The following ZNF680 variants were observed in gnomAD, a reference collection of about 807,000 sequenced individuals.
ZNF680 encodes the protein zinc finger protein 680, also known as hypothetical protein FLJ90430.
A neutral mutation model predicts 12.1 loss-of-function variants in ZNF680; 6 were observed. The observed-to-expected ratio is 0.49, with a 90% CI of 0.27 to 0.98. ZNF680 has a LOEUF of 0.98. ZNF680 is among the 50% of genes least tolerant of loss of function. ZNF680 has a pLI of 0.12. For missense variants in ZNF680, 561 were observed against 616.3 expected, an observed-to-expected ratio of 0.91 and a Z score of 0.95; for synonymous variants, 170 against 199.3, an observed-to-expected ratio of 0.85 and a Z score of 1.24.
chr7:64,537,656 G>A (rs1008351565), intron 3 of ZNF680, among the ~76,000 whole-genome samples: 14 of 152,144 alleles, frequency 9.2e-5, no homozygotes, highest in African/African-American at 1.4e-4. Context: ...GGCCAGGTGC[G>A]CTGGCTCACG....
rs1791593653 is a variant in ZNF680, at chr7:64,522,379, A to G, written c.375T>C (p.Ser125=). The G allele has an allele frequency of 3.1e-6, 5 of 1,611,732 alleles. No homozygotes were observed. In the South Asian group the frequency reaches 5.5e-5, roughly 18 times the overall value. ...CGHENLQLRI[S]CKSVDESKVF... ...CCTTAGACTCATCCACACTTTTACAACTTATTCTTAATTGTAAATTCTCAT... is the reference window on the plus strand; with the variant it reads ...CCTTAGACTCATCCACACTTTTACAGCTTATTCTTAATTGTAAATTCTCAT... The change falls in exon 4 of 4, where the codon AGT becomes AGC. Residue 125 remains serine (S), a synonymous_variant. Transcript: ENST00000309683.
At chr7:64,535,481 C>A (rs527399166) in intron 3 of ZNF680, among the ~76,000 whole-genome samples, 1 of 151,600 alleles carries the variant, frequency 6.6e-6, no homozygotes, top group African/African-American at 2.4e-5. Flanking sequence ...AAATAAGACG[C>A]CTGAATGGCT....
chr7:64,534,711 C>T (rs1329811534), intron 3 of ZNF680, among the ~76,000 whole-genome samples: 7 of 152,134 alleles, frequency 4.6e-5, no homozygotes, highest in Admixed American at 6.6e-5. Context: ...TACTTGCACA[C>T]GCATGTTTAT....
the ZNF680 span, among the ~76,000 whole-genome samples, chr7:64,507,822 GAAACACACAC>G: frequency 9.5e-6 from 1 of 105,062 alleles, no homozygotes; most frequent in Non-Finnish European, 1.8e-5. Flanking sequence ...AAAATTCCAG[GAAACACACAC>G]ACACACACAC....
Position 64,545,263 on chromosome 7 carries a change from C to CAAA in ZNF680, c.31-834_31-832dup, listed in dbSNP as rs532422147. Among the ~76,000 whole-genome samples the CAAA allele has an allele frequency of 9.1e-4, 82 of 89,708 alleles. 6 individuals carry two copies. The highest frequency in any genetic ancestry group is 2.3e-3 in the African/African-American group (69 of 29,376). The allele number at this position is 89,708 out of a possible 152,430, so 58.9% of individuals were successfully genotyped here. A position where few individuals can be genotyped will look rare whatever the true frequency, so the allele number is the denominator to read the frequency against. ...TGGGCAACAGAGTGAGACTCCATCT[C>CAAA]AAAAAAAAAAAAAAAAAAAAAAAAA... On this transcript the variant is annotated intron_variant, in intron 1 of 3. Coordinates refer to ENST00000309683, the MANE Select transcript of ZNF680 (RefSeq NM_178558.5).
In ZNF680 at chr7:64,521,513, G is replaced by A; in HGVS notation, c.1241C>T (p.Ala414Val). ...AGTAAGGCTGGAGCACCCATTAAAA[G>A]CTTTGCCACATTCTTCACATTTGTA... Reference protein sequence around the residue: ...KPYKCEECGKAFNGCSSLTRH... With the variant: ...KPYKCEECGKVFNGCSSLTRH... Residue 414 changes from alanine (A) to valine (V), a missense_variant, in exon 4 of 4, where the codon GCT (alanine) becomes GTT (valine). Ala to Val is a moderately conservative substitution (Grantham distance 64). Transcript: ENST00000309683. 6.2e-7 allele frequency: 1 copy of A among 1,613,180 alleles called. No homozygotes were observed. Among genetic ancestry groups the A allele is most frequent in the African/African-American group, 1.3e-5 (1 of 74,916 alleles).
chr7:64,558,093 C>T (rs949025413), intron 1 of ZNF680, among the ~76,000 whole-genome samples: 1 of 152,152 alleles, frequency 6.6e-6, no homozygotes, highest in African/African-American at 2.4e-5. Context: ...CAGATAGTGG[C>T]CCAGGTGGGG....
chr7:64,509,031 C>A, the ZNF680 span, among the ~76,000 whole-genome samples: 1 of 152,094 alleles, frequency 6.6e-6, no homozygotes, highest in East Asian at 1.9e-4. Context: ...CATGTAAATA[C>A]CCTCCCCCTC....
the ZNF680 span, among the ~76,000 whole-genome samples, chr7:64,508,123 G>GTA: frequency 0.021 from 2,481 of 117,612 alleles, 116 homozygotes; most frequent in African/African-American, 0.051. Context: ...ATTTTAAAAT[G>GTA]TATATATATA....
the ZNF680 span, among the ~76,000 whole-genome samples, chr7:64,499,622 T>C: frequency 6.6e-6 from 1 of 152,126 alleles, no homozygotes; most frequent in Non-Finnish European, 1.5e-5. Flanking sequence ...CCGGGTGTGG[T>C]GTGCGCGCCT....
chr7:64,522,289 T>C lies in ZNF680; in HGVS notation c.465A>G (p.Gln155=). 2 of 1,613,214 alleles carry C rather than the reference T, an allele frequency of 1.2e-6. No homozygotes were observed. Among genetic ancestry groups the C allele is most frequent in the East Asian group, 4.5e-5 (2 of 44,780 alleles). ...GAAAGACTTTCACGTATTTATCACATTGAAATATTTTGCTCTGGGTAGTTC... is the reference window on the plus strand; with the variant it reads ...GAAAGACTTTCACGTATTTATCACACTGAAATATTTTGCTCTGGGTAGTTC... The part of the protein sequence containing the change: ...CLRTTQSKIF[Q]CDKYVKVFHK... The change falls in exon 4 of 4, where the codon CAA becomes CAG. Residue 155 remains glutamine (Q), a synonymous_variant. Coordinates refer to ENST00000309683, the MANE Select transcript of ZNF680 (RefSeq NM_178558.5).
chr7:64,501,800 T>G, the ZNF680 span: 1 of 666,554 alleles, frequency 1.5e-6, no homozygotes, highest in Non-Finnish European at 2.8e-6. Flanking sequence ...ATCAAATTTT[T>G]TACCAGATCT....
chr7:64,558,689 C>T (rs1457579688), intron 1 of ZNF680, among the ~76,000 whole-genome samples: 1 of 151,454 alleles, frequency 6.6e-6, no homozygotes, highest in Non-Finnish European at 1.5e-5. Context: ...TAAAATAAAA[C>T]ACAGATTTAT....
downstream of ZNF680, among the ~76,000 whole-genome samples, chr7:64,519,732 T>TATTA (rs1342786661): frequency 6.6e-6 from 1 of 151,802 alleles, no homozygotes; most frequent in Non-Finnish European, 1.5e-5. Context: ...GAGGACAGCA[T>TATTA]ATTAGTTGAA....
At chr7:64,502,682 G>C in the ZNF680 span, among the ~76,000 whole-genome samples, 1 of 152,108 alleles carries the variant, frequency 6.6e-6, no homozygotes, top group Admixed American at 6.5e-5. Flanking sequence ...TATTAAACCA[G>C]AAATTTGGGG....
chr7:64,522,712 T>C (rs144542045), intron 3 of ZNF680, among the ~76,000 whole-genome samples: 5 of 151,036 alleles, frequency 3.3e-5, no homozygotes, highest in Admixed American at 6.6e-5. Context: ...AACAAACACA[T>C]ATATAAACAC....
chr7:64,517,213 GA>G, downstream of ZNF680, among the ~76,000 whole-genome samples: 1 of 151,544 alleles, frequency 6.6e-6, no homozygotes, highest in East Asian at 1.9e-4. Context: ...GCAAGATTAA[GA>G]AAAAAAGAGA....
the ZNF680 span, among the ~76,000 whole-genome samples, chr7:64,510,551 T>C: frequency 6.6e-6 from 1 of 152,122 alleles, no homozygotes; most frequent in Admixed American, 6.5e-5. Context: ...CTTTCCTCTG[T>C]GCCCCAACTG....
chr7:64,537,050 A>C (rs1786205591), intron 3 of ZNF680, among the ~76,000 whole-genome samples: 1 of 152,224 alleles, frequency 6.6e-6, no homozygotes, highest in Admixed American at 6.5e-5. Flanking sequence ...AGCCTGAGTG[A>C]CAGTAAAATC....
Sources: gnomAD v4.1 joint callset for allele counts (sites outside exome capture counted in the v4.1 genomes callset) on GRCh38, gnomAD v4.1.1 for gene constraint, MANE v1.5 for transcripts, NCBI Gene and HGNC (gene_info 2026-07-23, HGNC 2026-07-21) for gene names.